EXT1: variants seen among roughly 807,000 people sequenced by gnomAD.
EXT1 encodes exostosin-1.
Under a neutral mutation model 82.5 loss-of-function variants are expected in EXT1, and 20 were observed. The observed-to-expected ratio is 0.24, with a 90% confidence interval of 0.17 to 0.35. The LOEUF (loss-of-function observed/expected upper bound fraction) is 0.35, where lower values mean the gene tolerates loss of function less well. EXT1 is among the 10% of genes least tolerant of loss of function. EXT1 has a pLI of 1.00. For synonymous variants in EXT1, 348 were observed against 350.8 expected, an observed-to-expected ratio of 0.99 and a Z score of 0.09; for missense variants, 757 against 936.5, an observed-to-expected ratio of 0.81 and a Z score of 2.50.
intron 1 of EXT1, among the ~76,000 whole-genome samples, chr8:118,030,065 A>C (rs17505304): frequency 0.018 from 2,780 of 152,302 alleles, 87 homozygotes; most frequent in African/African-American, 0.064. Context: ...TGAAGGTTGC[A>C]AAAGTATTTA....
chr8:117,887,989 G>A (rs906315221), intron 1 of EXT1, among the ~76,000 whole-genome samples: 1 of 151,884 alleles, frequency 6.6e-6, no homozygotes, highest in African/African-American at 2.4e-5. Flanking sequence ...GGAGGCTGAG[G>A]CAGGATAATT....
At chr8:118,093,908 A>G (rs552059578) in intron 1 of EXT1, among the ~76,000 whole-genome samples, 2 of 152,328 alleles carry the variant, frequency 1.3e-5, no homozygotes, top group South Asian at 4.1e-4. Flanking sequence ...CATCCTCAAG[A>G]AGAAGCCATC....
At chr8:117,817,322 C>T (rs1006544512) in intron 7 of EXT1, among the ~76,000 whole-genome samples, 4 of 151,978 alleles carry the variant, frequency 2.6e-5, no homozygotes, top group African/African-American at 4.8e-5. Context: ...TTTGGTGAGT[C>T]GATGATGATA....
chr8:117,962,752 C>A (rs1326248918), intron 1 of EXT1, among the ~76,000 whole-genome samples: 1 of 135,488 alleles, frequency 7.4e-6, no homozygotes, highest in Non-Finnish European at 1.5e-5. Flanking sequence ...GACTCCATCC[C>A]CCCACACCCC....
chr8:117,829,014 G>A (rs1432467935), intron 4 of EXT1, among the ~76,000 whole-genome samples: 2 of 152,158 alleles, frequency 1.3e-5, no homozygotes, highest in African/African-American at 4.8e-5. Flanking sequence ...AGATTTCTCA[G>A]TGTAGGTTCC....
chr8:118,094,117 A>G (rs1313787350), intron 1 of EXT1, among the ~76,000 whole-genome samples: 2 of 152,192 alleles, frequency 1.3e-5, no homozygotes, highest in Admixed American at 6.5e-5. Flanking sequence ...CCCCCAGCAC[A>G]TTTGCTACCC....
intron 1 of EXT1, among the ~76,000 whole-genome samples, chr8:118,034,661 C>T (rs946339250): frequency 4.6e-5 from 7 of 152,092 alleles, no homozygotes; most frequent in South Asian, 2.1e-4. Flanking sequence ...GAGTAGCACA[C>T]GACAGAATTC....
intron 1 of EXT1, among the ~76,000 whole-genome samples, chr8:117,934,942 T>A (rs1021276709): frequency 2.6e-5 from 4 of 152,312 alleles, no homozygotes; most frequent in South Asian, 4.1e-4. Flanking sequence ...CATGCATCTA[T>A]CCTAGAGAAT....
intron 1 of EXT1, among the ~76,000 whole-genome samples, chr8:118,014,805 T>C (rs1017382752): frequency 7.9e-5 from 12 of 152,084 alleles, no homozygotes; most frequent in Non-Finnish European, 1.8e-4. Context: ...ACCATTACCC[T>C]AAAACCTCAA....
chr8:118,039,975 G>C (rs950357378), intron 1 of EXT1, among the ~76,000 whole-genome samples: 4 of 152,078 alleles, frequency 2.6e-5, no homozygotes, highest in African/African-American at 9.7e-5. Flanking sequence ...CTGTGAAAGC[G>C]TAACAACCCA....
chr8:118,096,379 T>G (rs1454999488), intron 1 of EXT1, among the ~76,000 whole-genome samples: 3 of 151,802 alleles, frequency 2.0e-5, no homozygotes, highest in African/African-American at 7.3e-5. Context: ...TCCCAGCACT[T>G]TGGGACGCTG....
At chr8:117,910,450 A>C (rs970777385) in intron 1 of EXT1, among the ~76,000 whole-genome samples, 3 of 152,192 alleles carry the variant, frequency 2.0e-5, no homozygotes, top group African/African-American at 7.2e-5. Flanking sequence ...AGACACAACA[A>C]AAACTTCCTG....
intron 1 of EXT1, among the ~76,000 whole-genome samples, chr8:117,874,317 A>G (rs1174402474): frequency 6.6e-6 from 1 of 152,046 alleles, no homozygotes; most frequent in Non-Finnish European, 1.5e-5. Flanking sequence ...CGTGGTAGCT[A>G]CAATCCCAGC....
chr8:117,849,654 A>T (rs10098795), intron 1 of EXT1, among the ~76,000 whole-genome samples: 37,425 of 152,140 alleles, frequency 0.25, 4,826 homozygotes, highest in East Asian at 0.49. Flanking sequence ...CAAGAGCCCA[A>T]TAAAAATGTC....
At chr8:118,033,941 G>A (rs1010699197) in intron 1 of EXT1, among the ~76,000 whole-genome samples, 1 of 152,136 alleles carries the variant, frequency 6.6e-6, no homozygotes, top group South Asian at 2.1e-4. Context: ...ATAACAAACT[G>A]TTAGAAAAGA....
intron 1 of EXT1, among the ~76,000 whole-genome samples, chr8:118,053,934 T>C (rs181967827): frequency 3.2e-4 from 48 of 152,302 alleles, no homozygotes; most frequent in Non-Finnish European, 5.3e-4. Flanking sequence ...ACTAAAGCAG[T>C]GGTCTTCAGT....
At chr8:117,944,399 C>CAAAT (rs140512656) in intron 1 of EXT1, among the ~76,000 whole-genome samples, 8,638 of 152,070 alleles carry the variant, frequency 0.057, 846 homozygotes, top group African/African-American at 0.2. Context: ...TCCAAAAAAA[C>CAAAT]AAATAAAAAA....
chr8:117,951,049 T>C (rs1237641163), intron 1 of EXT1, among the ~76,000 whole-genome samples: 1 of 152,202 alleles, frequency 6.6e-6, no homozygotes. Flanking sequence ...TGAATACACA[T>C]TAGTTAAAAA....
intron 1 of EXT1, among the ~76,000 whole-genome samples, chr8:117,959,188 T>C (rs1814647620): frequency 6.6e-6 from 1 of 152,206 alleles, no homozygotes; most frequent in East Asian, 1.9e-4. Flanking sequence ...GAAAGCTGCA[T>C]GCCTTAGGGA....
Sources: gnomAD v4.1 joint callset for allele counts (sites outside exome capture counted in the v4.1 genomes callset) on GRCh38, gnomAD v4.1.1 for gene constraint, MANE v1.5 for transcripts, NCBI Gene and HGNC (gene_info 2026-07-23, HGNC 2026-07-21) for gene names.